The following SASH1 variants were observed in gnomAD, a reference collection of about 807,000 sequenced individuals.
The protein encoded by SASH1 is SAM and SH3 domain containing 1.
Under a neutral mutation model 125.2 loss-of-function variants are expected in SASH1, and 44 were observed. The observed-to-expected ratio is 0.35, with a 90% CI of 0.28 to 0.45. SASH1 has a LOEUF of 0.45. Among genes scored for constraint, SASH1 ranks in the 20% least tolerant of loss-of-function variants. SASH1 has a pLI of 1.00. For synonymous variants in SASH1, 639 were observed against 649.1 expected (o/e 0.98, Z 0.24); for missense variants, 1,426 against 1,614.5 (o/e 0.88, Z 2.00).
At chr6:148,259,879 AT>A in the SASH1 span, among the ~76,000 whole-genome samples, 1 of 151,976 alleles carries the variant, frequency 6.6e-6, no homozygotes, top group Non-Finnish European at 1.5e-5. Context: ...TTGACTTTTT[AT>A]CTATTTATTT....
chr6:148,503,374 A>G (rs1779639769), intron 8 of SASH1, among the ~76,000 whole-genome samples: 1 of 152,200 alleles, frequency 6.6e-6, no homozygotes, highest in South Asian at 2.1e-4. Context: ...GCATCCAAGG[A>G]TTATTTGAAA....
upstream of SASH1, among the ~76,000 whole-genome samples, chr6:148,268,636 C>T (rs1296878851): frequency 6.6e-6 from 1 of 152,170 alleles, no homozygotes. Context: ...GAATTCTGTT[C>T]CCTCTGGGGT....
intron 1 of SASH1, among the ~76,000 whole-genome samples, chr6:148,360,648 G>GCCCCCC (rs1782164180): frequency 9.5e-6 from 1 of 104,738 alleles, no homozygotes; most frequent in Non-Finnish European, 2.2e-5. Flanking sequence ...CCCCCCGCCA[G>GCCCCCC]GCTTTAAAGC....
chr6:148,378,116 A>G (rs1782983979), intron 1 of SASH1, among the ~76,000 whole-genome samples: 2 of 149,774 alleles, frequency 1.3e-5, no homozygotes, highest in Non-Finnish European at 3.0e-5. Flanking sequence ...CAGTGGCGCA[A>G]TCTTGGCTCA....
In SASH1 at chr6:148,387,642, T is replaced by C. The variant is rs1252560654; in HGVS notation, c.157-2492T>C. Reference sequence around the variant, plus strand: ...TTTCTTTCTTTCTTTCTTTCTTTCTTTCTTTCTTTCTTTCTTTCTTTCTTT... The same window carrying C: ...TTTCTTTCTTTCTTTCTTTCTTTCTCTCTTTCTTTCTTTCTTTCTTTCTTT... On this transcript the variant is annotated intron_variant, in intron 1 of 19. Coordinates refer to ENST00000367467, the MANE Select transcript of SASH1 (RefSeq NM_015278.5). Among the ~76,000 whole-genome samples, 97 of 60,312 alleles carry C rather than the reference T, an allele frequency of 1.6e-3. 6 individuals are homozygous for C. In the Middle Eastern group the frequency reaches 0.027, roughly 17 times the overall value. The allele number at this position is 60,312 out of a possible 152,430, so 39.6% of individuals were successfully genotyped here.
intron 1 of SASH1, among the ~76,000 whole-genome samples, chr6:148,281,437 C>T (rs1331581717): frequency 6.6e-6 from 1 of 152,080 alleles, no homozygotes; most frequent in African/African-American, 2.4e-5. Flanking sequence ...AGGATATGCT[C>T]CACTAAAACA....
intron 1 of SASH1, among the ~76,000 whole-genome samples, chr6:148,344,364 A>C (rs1267720758): frequency 6.6e-6 from 1 of 152,216 alleles, no homozygotes; most frequent in Admixed American, 6.5e-5. Flanking sequence ...GTAGAGGCTC[A>C]ATAAGTGTAG....
intron 8 of SASH1, chr6:148,512,708 C>T: frequency 1.0e-6 from 1 of 985,342 alleles, no homozygotes; most frequent in Non-Finnish European, 1.2e-6. Flanking sequence ...AGTCCAGTTC[C>T]CATTCTTTAT....
In SASH1 at chr6:148,445,974, A is replaced by C. The variant is rs1490601503; in HGVS notation, c.386+5567A>C. Reference sequence around the variant, plus strand: ...TTAAAGTCATGGTATGGAGAAAAATAAAGCAAAGAAAGGGGACCCAGAATT... The same window carrying C: ...TTAAAGTCATGGTATGGAGAAAAATCAAGCAAAGAAAGGGGACCCAGAATT... On this transcript the variant is annotated intron_variant, in intron 4 of 19. Coordinates refer to ENST00000367467, the MANE Select transcript of SASH1 (RefSeq NM_015278.5). Among the ~76,000 whole-genome samples, 4 of 152,140 alleles carry C rather than the reference A, an allele frequency of 2.6e-5. No individual in the cohort carries two copies. In the East Asian group the frequency reaches 7.7e-4, roughly 29 times the overall value.
the SASH1 span, among the ~76,000 whole-genome samples, chr6:148,252,267 A>G: frequency 1.3e-5 from 2 of 152,196 alleles, no homozygotes; most frequent in Non-Finnish European, 2.9e-5. Flanking sequence ...GAAAAAGAGT[A>G]TATGTACAGT....
rs569805040 is a variant in SASH1, at chr6:148,486,550, C to T, written c.628-1064C>T. On this transcript the variant is annotated intron_variant, in intron 7 of 19. Transcript: ENST00000367467. ...TCAAAGGTCTCCAATAACCCCATCA[C>T]GTTTGTTAGGTGATAACATGGGACT... Among the ~76,000 whole-genome samples, 8 of 152,150 alleles carry T rather than the reference C, an allele frequency of 5.3e-5. No individual in the cohort carries two copies. The South Asian group carries it at 1.5e-3, about 28-fold the overall frequency.
the SASH1 span, among the ~76,000 whole-genome samples, chr6:148,220,562 G>C: frequency 2.0e-5 from 3 of 152,108 alleles, no homozygotes; most frequent in African/African-American, 7.2e-5. Context: ...GTAGTTGTGG[G>C]AATAGCAATG....
the SASH1 span, among the ~76,000 whole-genome samples, chr6:148,225,417 T>C: frequency 6.6e-6 from 1 of 152,118 alleles, no homozygotes; most frequent in African/African-American, 2.4e-5. Context: ...ATAATGTTTT[T>C]TGCAGCAACT....
chr6:148,256,389 C>T, the SASH1 span, among the ~76,000 whole-genome samples: 3 of 152,230 alleles, frequency 2.0e-5, no homozygotes, highest in East Asian at 1.9e-4. Flanking sequence ...AAATCACATT[C>T]TTTTGACTCT....
intron 1 of SASH1, among the ~76,000 whole-genome samples, chr6:148,352,783 A>G (rs910401039): frequency 6.6e-6 from 1 of 151,958 alleles, no homozygotes; most frequent in Non-Finnish European, 1.5e-5. Context: ...GGCCTGGCCA[A>G]CATGGCGAAA....
chr6:148,215,402 A>G, the SASH1 span, among the ~76,000 whole-genome samples: 1 of 152,212 alleles, frequency 6.6e-6, no homozygotes, highest in African/African-American at 2.4e-5. Flanking sequence ...TGAGGCAGTC[A>G]TTCTAGAAAA....
intron 2 of SASH1, among the ~76,000 whole-genome samples, chr6:148,412,358 ATAAT>A (rs1784662806): frequency 6.6e-6 from 1 of 152,224 alleles, no homozygotes; most frequent in South Asian, 2.1e-4. Context: ...TTTTGAGAGA[ATAAT>A]TATTTAATAA....
chr6:148,451,037 A>G (rs1777076454), intron 4 of SASH1, among the ~76,000 whole-genome samples: 1 of 152,208 alleles, frequency 6.6e-6, no homozygotes, highest in Non-Finnish European at 1.5e-5. Flanking sequence ...GCCCACATTC[A>G]TGCCTTTGCC....
At chr6:148,348,872 G>A (rs9390559) in intron 1 of SASH1, among the ~76,000 whole-genome samples, 32,354 of 152,228 alleles carry the variant, frequency 0.21, 3,900 homozygotes, top group Middle Eastern at 0.31. Flanking sequence ...CCCCACGGTC[G>A]CTGAGTATAT....
Sources: allele counts gnomAD v4.1 joint callset (sites outside exome capture counted in the v4.1 genomes callset), GRCh38; gene constraint gnomAD v4.1.1; transcripts MANE v1.5; gene names NCBI Gene and HGNC (gene_info 2026-07-23, HGNC 2026-07-21).